ANXA8: variants seen among roughly 807,000 people sequenced by gnomAD.
ANXA8 encodes the protein VAC-beta.
In ANXA8, 9 loss-of-function variants were observed where a neutral mutation model predicts 26.8. That is an observed-to-expected ratio of 0.34 (90% confidence interval 0.20 to 0.59). ANXA8 has a LOEUF of 0.59. Ranked by LOEUF, ANXA8 falls within the 20% of genes least tolerant of loss-of-function variation. The pLI is 0.84. For missense variants in ANXA8, 83 were observed against 238.5 expected (o/e 0.35, Z 4.29); for synonymous variants, 39 against 94.8 (o/e 0.41, Z 3.42).
At chr10:47,616,268 T>C in the ANXA8 span, among the ~76,000 whole-genome samples, 2 of 71,898 alleles carry the variant, frequency 2.8e-5, 1 homozygote, top group African/African-American at 8.3e-5. Flanking sequence ...GATCTTTTTC[T>C]ATTGAGAGGC....
At chr10:47,481,628 TC>T (rs1373315186) in intron 1 of ANXA8, among the ~76,000 whole-genome samples, 1 of 151,924 alleles carries the variant, frequency 6.6e-6, no homozygotes, top group East Asian at 2.0e-4. Context: ...GAGCATGCAG[TC>T]CCGCAGGGGT....
chr10:47,486,409 T>A (rs1263296516), upstream of ANXA8, among the ~76,000 whole-genome samples: 1 of 140,232 alleles, frequency 7.1e-6, no homozygotes, highest in Non-Finnish European at 1.5e-5. Flanking sequence ...GGTGAAACAG[T>A]TTTTTAGGAA....
chr10:47,654,131 T>C, the ANXA8 span, among the ~76,000 whole-genome samples: 1 of 151,630 alleles, frequency 6.6e-6, no homozygotes, highest in Non-Finnish European at 1.5e-5. Context: ...TTTAACATCA[T>C]GAGGTAGTGG....
chr10:47,627,985 T>C, the ANXA8 span, among the ~76,000 whole-genome samples: 1 of 150,098 alleles, frequency 6.7e-6, no homozygotes, highest in Non-Finnish European at 1.5e-5. Context: ...TGTTGTACTT[T>C]AGTAAAAAAC....
At chr10:47,684,969 G>A in the ANXA8 span, among the ~76,000 whole-genome samples, 2,321 of 148,344 alleles carry the variant, frequency 0.016, 16 homozygotes, top group African/African-American at 0.056. Flanking sequence ...TCCTTCTTCC[G>A]TTGTGGCCCA....
chr10:47,522,038 C>T, the ANXA8 span, among the ~76,000 whole-genome samples: 1 of 150,850 alleles, frequency 6.6e-6, no homozygotes, highest in Non-Finnish European at 1.5e-5. Context: ...CCGCCTGCCA[C>T]AGCCTCCCAA....
chr10:47,740,003 G>T, the ANXA8 span, among the ~76,000 whole-genome samples: 3 of 43,308 alleles, frequency 6.9e-5, 1 homozygote, highest in African/African-American at 1.8e-4. Flanking sequence ...GAGGCAGGAA[G>T]ATCACTTGAG....
the ANXA8 span, among the ~76,000 whole-genome samples, chr10:47,683,447 C>G: frequency 6.6e-6 from 1 of 151,856 alleles, no homozygotes; most frequent in Non-Finnish European, 1.5e-5. Flanking sequence ...CCAGGATGGC[C>G]TCGATCTCCT....
chr10:47,626,044 T>C, the ANXA8 span, among the ~76,000 whole-genome samples: 1 of 150,454 alleles, frequency 6.6e-6, no homozygotes. Context: ...TTGCAGAAGA[T>C]TTCTTCCCTT....
the ANXA8 span, among the ~76,000 whole-genome samples, chr10:47,558,242 A>C: frequency 6.6e-6 from 1 of 151,938 alleles, no homozygotes; most frequent in Non-Finnish European, 1.5e-5. Flanking sequence ...TGAGATAGAT[A>C]AATAATAAAC....
At chr10:47,914,924 T>G in the ANXA8 span, among the ~76,000 whole-genome samples, 1 of 152,270 alleles carries the variant, frequency 6.6e-6, no homozygotes, top group East Asian at 1.9e-4. Context: ...ATTTTGTTTA[T>G]TCATCTTGAC....
At chr10:47,748,371 C>T in the ANXA8 span, among the ~76,000 whole-genome samples, 3 of 149,392 alleles carry the variant, frequency 2.0e-5, no homozygotes, top group Non-Finnish European at 3.0e-5. Flanking sequence ...GCCACCATGC[C>T]TGGCTAATTT....
chr10:47,979,910 T>C, the ANXA8 span, among the ~76,000 whole-genome samples: 1 of 152,076 alleles, frequency 6.6e-6, no homozygotes, highest in African/African-American at 2.4e-5. Context: ...TTTAGCCCAG[T>C]AAGACATGTC....
chr10:47,691,051 A>G, the ANXA8 span: 1 of 1,610,942 alleles, frequency 6.2e-7, no homozygotes, highest in Non-Finnish European at 8.5e-7. Flanking sequence ...TCATGGTGCT[A>G]TCTCCATGCC....
chr10:47,522,237 T>C, the ANXA8 span, among the ~76,000 whole-genome samples: 2 of 142,456 alleles, frequency 1.4e-5, no homozygotes, highest in African/African-American at 5.2e-5. Context: ...ACGTTGACGT[T>C]TCATGTCTTT....
the ANXA8 span, chr10:47,551,942 G>GT: frequency 1.1e-6 from 1 of 943,846 alleles, no homozygotes; most frequent in Non-Finnish European, 1.4e-6. Flanking sequence ...CCAATAACAA[G>GT]TAACTCTAAC....
At chr10:47,669,529 G>A in the ANXA8 span, among the ~76,000 whole-genome samples, 1 of 151,682 alleles carries the variant, frequency 6.6e-6, no homozygotes, top group Non-Finnish European at 1.5e-5. Context: ...GAGAAGCCTG[G>A]GCAACATAGC....
At chr10:47,894,624 AC>A in the ANXA8 span, among the ~76,000 whole-genome samples, 26,602 of 129,572 alleles carry the variant, frequency 0.21, 49 homozygotes, top group Non-Finnish European at 0.23. Flanking sequence ...CACTACACAC[AC>A]CACACACTAC....
chr10:47,580,336 T>C, the ANXA8 span, among the ~76,000 whole-genome samples: 1 of 152,276 alleles, frequency 6.6e-6, no homozygotes, highest in Non-Finnish European at 1.5e-5. Flanking sequence ...GCTCTCCATC[T>C]AACAAGTGCA....
Sources: allele counts gnomAD v4.1 joint callset (sites outside exome capture counted in the v4.1 genomes callset), GRCh38; gene constraint gnomAD v4.1.1; transcripts MANE v1.5; gene names NCBI Gene and HGNC (gene_info 2026-07-23, HGNC 2026-07-21).